Variants in FSTL4 observed in about 807,000 individuals in gnomAD.
The protein encoded by FSTL4 is follistatin like 4.
FSTL4 carries 28 observed loss-of-function variants against 78.2 expected under a neutral mutation model. The observed-to-expected ratio is 0.36, with a 90% CI of 0.27 to 0.49. The LOEUF (loss-of-function observed/expected upper bound fraction) is 0.49. FSTL4 is among the 20% of genes least tolerant of loss of function. The pLI, the probability that FSTL4 is intolerant of heterozygous loss-of-function variation, is 0.98. For missense variants in FSTL4, 922 were observed against 1,084.9 expected, an observed-to-expected ratio of 0.85 and a Z score of 2.11; for synonymous variants, 422 against 440.5, an observed-to-expected ratio of 0.96 and a Z score of 0.53.
intron 3 of FSTL4, among the ~76,000 whole-genome samples, chr5:133,460,344 C>T (rs1458626984): frequency 3.3e-5 from 5 of 152,128 alleles, no homozygotes; most frequent in Admixed American, 6.6e-5. Flanking sequence ...GGGATGACAG[C>T]GCCACCTAGT....
intron 3 of FSTL4, among the ~76,000 whole-genome samples, chr5:133,538,413 T>C (rs1470263275): frequency 6.6e-6 from 1 of 152,212 alleles, no homozygotes; most frequent in Non-Finnish European, 1.5e-5. Context: ...ATCCCAATAT[T>C]GGTGATGCTA....
chr5:133,632,925 T>C, the FSTL4 span, among the ~76,000 whole-genome samples: 1 of 152,002 alleles, frequency 6.6e-6, no homozygotes, highest in Non-Finnish European at 1.5e-5. Context: ...CTGGGCTCAA[T>C]GATCCACACA....
intron 3 of FSTL4, among the ~76,000 whole-genome samples, chr5:133,539,053 G>C (rs462330): frequency 6.6e-6 from 1 of 151,910 alleles, no homozygotes. Flanking sequence ...CAATCTAGCC[G>C]GCAAGGTGAT....
intron 6 of FSTL4, among the ~76,000 whole-genome samples, chr5:133,302,613 G>T (rs1470189482): frequency 6.6e-6 from 1 of 152,174 alleles, no homozygotes; most frequent in Non-Finnish European, 1.5e-5. Flanking sequence ...GGAAACAGGA[G>T]TCCCACCAGG....
rs564151786 is a variant in FSTL4 at position 133,607,999 on chromosome 5, T to C, written c.-10-4006A>G. Among the ~76,000 whole-genome samples, 10 of 152,308 alleles carry C rather than the reference T, an allele frequency of 6.6e-5. No individual in the cohort carries two copies. In the South Asian group the frequency reaches 2.1e-3, roughly 32 times the overall value. On this transcript the variant is annotated intron_variant, in intron 1 of 15. Coordinates refer to ENST00000265342, the MANE Select transcript of FSTL4 (RefSeq NM_015082.2). ...CAGCTCACGGAGAGCACCAGCATCA[T>C]AAGGCTAGTCACTCTGGAGAAGTAA... is the stretch of plus-strand genomic sequence containing the variant.
At chr5:133,484,178 T>C (rs1056410852) in intron 3 of FSTL4, among the ~76,000 whole-genome samples, 1 of 152,206 alleles carries the variant, frequency 6.6e-6, no homozygotes, top group Non-Finnish European at 1.5e-5. Context: ...AGGCATGGAC[T>C]CCTGAAGCAA....
chr5:133,707,328 C>T, the FSTL4 span, among the ~76,000 whole-genome samples: 2 of 152,224 alleles, frequency 1.3e-5, no homozygotes, highest in East Asian at 3.9e-4. Context: ...GTCTAGGAGG[C>T]TGATGAGGCC....
intron 2 of FSTL4, among the ~76,000 whole-genome samples, chr5:133,593,034 G>A (rs931514914): frequency 6.6e-6 from 1 of 152,098 alleles, no homozygotes. Context: ...ACCTCCAATA[G>A]GACAGTTTTG....
the FSTL4 span, among the ~76,000 whole-genome samples, chr5:133,670,109 G>A: frequency 8.5e-5 from 13 of 152,268 alleles, no homozygotes; most frequent in African/African-American, 1.9e-4. Context: ...CTTTTCCGTC[G>A]TCAACATAGC....
the FSTL4 span, among the ~76,000 whole-genome samples, chr5:133,798,165 C>T: frequency 6.6e-6 from 1 of 152,238 alleles, no homozygotes; most frequent in Non-Finnish European, 1.5e-5. Flanking sequence ...AGCATATTTG[C>T]TTTTTCTCAG....
At chr5:133,532,506 T>A (rs1023291704) in intron 3 of FSTL4, among the ~76,000 whole-genome samples, 27 of 151,810 alleles carry the variant, frequency 1.8e-4, no homozygotes, top group African/African-American at 6.3e-4. Flanking sequence ...GGGAGGGAGG[T>A]ATTCCGGTTA....
chr5:133,350,164 G>T (rs909993750), intron 4 of FSTL4, among the ~76,000 whole-genome samples: 50 of 132,472 alleles, frequency 3.8e-4, no homozygotes, highest in Middle Eastern at 4.9e-3. Flanking sequence ...ATGTTTGTCA[G>T]GCTGCCATGT....
chr5:133,697,152 A>G, the FSTL4 span, among the ~76,000 whole-genome samples: 1 of 152,174 alleles, frequency 6.6e-6, no homozygotes, highest in Non-Finnish European at 1.5e-5. Context: ...GATATTATAT[A>G]AGCAGCAAAT....
rs1012698551 is a variant in FSTL4 at position 133,436,695 on chromosome 5, C to T, written c.161-35709G>A. ...ATCCACGGTAGTAGTATTTACACTA[C>T]GGAAATTGGCAAATGCTATAAATTA... On this transcript the variant is annotated intron_variant, in intron 3 of 15. Coordinates refer to ENST00000265342, the MANE Select transcript of FSTL4 (RefSeq NM_015082.2). 3.9e-5 allele frequency among the ~76,000 whole-genome samples: 6 copies of T among 151,948 alleles called. No individual in the cohort carries two copies. The East Asian group carries it at 5.8e-4, about 15-fold the overall frequency.
chr5:133,752,591 C>T, the FSTL4 span, among the ~76,000 whole-genome samples: 3 of 152,024 alleles, frequency 2.0e-5, no homozygotes, highest in African/African-American at 7.3e-5. Context: ...GCCTAGGCGA[C>T]AGAGCGAGGC....
At chr5:133,430,096 T>C (rs58858954) in intron 3 of FSTL4, among the ~76,000 whole-genome samples, 2,394 of 152,322 alleles carry the variant, frequency 0.016, 54 homozygotes, top group African/African-American at 0.054. Context: ...AATTTTTCCT[T>C]GTCCAAGCAA....
At chr5:133,746,975 T>G in the FSTL4 span, among the ~76,000 whole-genome samples, 13,659 of 152,276 alleles carry the variant, frequency 0.09, 863 homozygotes, top group Admixed American at 0.16. Flanking sequence ...CCAGGCATCC[T>G]GACGGGCTTG....
intron 4 of FSTL4, among the ~76,000 whole-genome samples, chr5:133,337,171 G>A (rs959480484): frequency 2.0e-5 from 3 of 152,230 alleles, no homozygotes; most frequent in African/African-American, 7.2e-5. Flanking sequence ...CCAGCATGGG[G>A]CTGTGGTGGG....
At chr5:133,261,096 G>A (rs979431411) in intron 6 of FSTL4, among the ~76,000 whole-genome samples, 4 of 152,232 alleles carry the variant, frequency 2.6e-5, no homozygotes, top group Admixed American at 2.6e-4. Flanking sequence ...TATTGGTTGA[G>A]ATGGTCTTCA....
Sources: gnomAD v4.1 joint callset for allele counts (sites outside exome capture counted in the v4.1 genomes callset) on GRCh38, gnomAD v4.1.1 for gene constraint, MANE v1.5 for transcripts, NCBI Gene and HGNC (gene_info 2026-07-23, HGNC 2026-07-21) for gene names.